The following ATP6V1E1 variants were observed in gnomAD, a reference collection of about 807,000 sequenced individuals.
ATP6V1E1 encodes the protein V-type proton ATPase subunit E 1.
In ATP6V1E1, 21 loss-of-function variants were observed where a neutral mutation model predicts 35.2. That is an observed-to-expected ratio of 0.60 (90% CI 0.42 to 0.86). The LOEUF (loss-of-function observed/expected upper bound fraction) is 0.86. ATP6V1E1 is among the 40% of genes least tolerant of loss of function. The pLI, the probability that ATP6V1E1 is intolerant of heterozygous loss-of-function variation, is 0.00. For synonymous variants in ATP6V1E1, 83 were observed against 87.8 expected, an observed-to-expected ratio of 0.95 and a Z score of 0.30; for missense variants, 183 against 272.6, an observed-to-expected ratio of 0.67 and a Z score of 2.32.
rs148435045 is a variant in ATP6V1E1, at chr22:17,606,308, A to C, written c.277-5127T>G. Among the ~76,000 whole-genome samples the C allele has an allele frequency of 2.8e-3, 428 of 152,244 alleles. 5 individuals are homozygous for C. Among genetic ancestry groups the C allele is most frequent in the African/African-American group, 9.7e-3 (404 of 41,542 alleles). On this transcript the variant is annotated intron_variant, in intron 4 of 8. Transcript: ENST00000253413. ...CCTTTCACAGCTTCTTATTCTATGG[A>C]TAAAACTAGAAGTAAAAAGTTTAGA...
rs551600378 is a variant in ATP6V1E1 at position 17,600,368 on chromosome 22, C to T, written c.367-273G>A. Among the ~76,000 whole-genome samples the T allele has an allele frequency of 1.1e-4, 16 of 152,092 alleles. No individual in the cohort carries two copies. In the East Asian group the frequency reaches 1.5e-3, roughly 15 times the overall value. On this transcript the variant is annotated intron_variant, in intron 5 of 8. Transcript: ENST00000253413. ...AAGAGAATGGCTTGAACCCAGGAGACGGAGGTTGAAGTAAACAGAGATGAT... is the reference window on the plus strand; with the variant it reads ...AAGAGAATGGCTTGAACCCAGGAGATGGAGGTTGAAGTAAACAGAGATGAT...
intron 4 of ATP6V1E1, among the ~76,000 whole-genome samples, chr22:17,601,785 T>G (rs1200819458): frequency 6.6e-6 from 1 of 152,226 alleles, no homozygotes; most frequent in Non-Finnish European, 1.5e-5. Flanking sequence ...TCTTGTATTT[T>G]TAGTAGAGAC....
intron 4 of ATP6V1E1, among the ~76,000 whole-genome samples, chr22:17,609,891 G>C (rs2057806719): frequency 6.6e-6 from 1 of 152,168 alleles, no homozygotes. Context: ...AAGTTGAGAA[G>C]CACCGATATT....
intron 1 of ATP6V1E1, among the ~76,000 whole-genome samples, chr22:17,620,303 ATG>A (rs2057869323): frequency 6.6e-6 from 1 of 151,640 alleles, no homozygotes; most frequent in South Asian, 2.1e-4. Context: ...GCCCGCCACC[ATG>A]CCTGGCTAAT....
chr22:17,623,200 T>C (rs372691520), intron 1 of ATP6V1E1, among the ~76,000 whole-genome samples: 1 of 152,286 alleles, frequency 6.6e-6, no homozygotes, highest in East Asian at 1.9e-4. Flanking sequence ...ATAGATAACA[T>C]GGTACTTACA....
chr22:17,606,484 T>TA (rs60173086), intron 4 of ATP6V1E1, among the ~76,000 whole-genome samples: 1 of 151,704 alleles, frequency 6.6e-6, no homozygotes, highest in Non-Finnish European at 1.5e-5. Flanking sequence ...TGTAAGCGGT[T>TA]AAAAAAGAAA....
At chr22:17,605,567 C>T (rs954296230) in intron 4 of ATP6V1E1, among the ~76,000 whole-genome samples, 12 of 151,750 alleles carry the variant, frequency 7.9e-5, no homozygotes, top group East Asian at 3.9e-4. Flanking sequence ...GTAAGTTTTG[C>T]GGTTTGGGGA....
chr22:17,595,826 A>T (rs1267406006), intron 7 of ATP6V1E1, among the ~76,000 whole-genome samples: 1 of 151,428 alleles, frequency 6.6e-6, no homozygotes, highest in Non-Finnish European at 1.5e-5. Context: ...TACTCAAAAT[A>T]CAACAACAAC....
chr22:17,599,979 A>T (rs372981101), intron 6 of ATP6V1E1, 48 bp downstream of exon 6: 81 of 1,208,842 alleles, frequency 6.7e-5, no homozygotes, highest in Non-Finnish European at 8.9e-5. Flanking sequence ...GGAAGGAAGA[A>T]AGGGAGGGGG....
chr22:17,599,674 C>T (rs1294358767), intron 6 of ATP6V1E1, among the ~76,000 whole-genome samples: 9 of 150,818 alleles, frequency 6.0e-5, no homozygotes, highest in Non-Finnish European at 8.8e-5. Flanking sequence ...AATCCCAGCA[C>T]TTTGGGAGGA....
At chr22:17,605,205 C>CAAAAAAAAAAA (rs898076791) in intron 4 of ATP6V1E1, among the ~76,000 whole-genome samples, 2 of 54,870 alleles carry the variant, frequency 3.6e-5, no homozygotes, top group African/African-American at 1.6e-4. Flanking sequence ...GACTTCATCT[C>CAAAAAAAAAAA]AAAAAAAAAA....
chr22:17,606,704 C>G (rs1331652557), intron 4 of ATP6V1E1, among the ~76,000 whole-genome samples: 1 of 152,182 alleles, frequency 6.6e-6, no homozygotes, highest in South Asian at 2.1e-4. Context: ...TCACCTCACA[C>G]GCACTTCTCC....
At chr22:17,597,342 T>C (rs1464780285) in intron 7 of ATP6V1E1, among the ~76,000 whole-genome samples, 2 of 151,760 alleles carry the variant, frequency 1.3e-5, no homozygotes, top group Non-Finnish European at 2.9e-5. Context: ...AAAATGACAC[T>C]GGCTCTCCCC....
At chr22:17,604,115 C>T (rs2057774110) in intron 4 of ATP6V1E1, among the ~76,000 whole-genome samples, 1 of 152,122 alleles carries the variant, frequency 6.6e-6, no homozygotes, top group South Asian at 2.1e-4. Context: ...CTGTGTTATC[C>T]CTTGTCTGAA....
At chr22:17,607,961 C>T (rs1449427883) in intron 4 of ATP6V1E1, among the ~76,000 whole-genome samples, 1 of 152,136 alleles carries the variant, frequency 6.6e-6, no homozygotes, top group Admixed American at 6.6e-5. Flanking sequence ...CTGCCCACTC[C>T]CCACTCTGCC....
intron 2 of ATP6V1E1, among the ~76,000 whole-genome samples, chr22:17,613,733 C>G (rs1170087992): frequency 6.6e-6 from 1 of 151,816 alleles, no homozygotes; most frequent in African/African-American, 2.4e-5. Context: ...TTTGGGAGGC[C>G]GAGGCGGGTG....
intron 1 of ATP6V1E1, among the ~76,000 whole-genome samples, chr22:17,623,047 T>G (rs934164176): frequency 6.6e-6 from 1 of 152,226 alleles, no homozygotes; most frequent in Non-Finnish European, 1.5e-5. Flanking sequence ...TCAAAAATCT[T>G]GGAGCCACCC....
intron 1 of ATP6V1E1, among the ~76,000 whole-genome samples, chr22:17,622,564 G>C (rs1397022414): frequency 6.6e-6 from 1 of 152,122 alleles, no homozygotes; most frequent in African/African-American, 2.4e-5. Flanking sequence ...GGGTTGATGG[G>C]TGCAGCAAAC....
chr22:17,597,730 A>C (rs1341531638), intron 7 of ATP6V1E1, among the ~76,000 whole-genome samples: 3 of 151,980 alleles, frequency 2.0e-5, no homozygotes, highest in Non-Finnish European at 4.4e-5. Context: ...TCCTGGATTC[A>C]AGCAATTCTC....
Sources: gnomAD v4.1 joint callset for allele counts (sites outside exome capture counted in the v4.1 genomes callset) on GRCh38, gnomAD v4.1.1 for gene constraint, MANE v1.5 for transcripts, NCBI Gene and HGNC (gene_info 2026-07-23, HGNC 2026-07-21) for gene names.